The following DPP6 variants were observed in gnomAD, a reference collection of about 807,000 sequenced individuals.
DPP6 encodes the protein dipeptidyl peptidase like 6.
In DPP6, 69 loss-of-function variants were observed where a neutral mutation model predicts 122.6. The observed-to-expected ratio is 0.56, with a 90% confidence interval of 0.46 to 0.69. The LOEUF is 0.69. Ranked by LOEUF, DPP6 falls within the 30% of genes least tolerant of loss-of-function variation. The probability of loss-of-function intolerance (pLI) is 0.00; values close to 1 mark genes in which losing one functional copy is unlikely to be tolerated. For synonymous variants in DPP6, 418 were observed against 433.1 expected (o/e 0.97, Z 0.43); for missense variants, 928 against 1,116.9 (o/e 0.83, Z 2.41).
At chr7:154,720,214 G>T (rs967072573) in intron 7 of DPP6, among the ~76,000 whole-genome samples, 76 of 152,306 alleles carry the variant, frequency 5.0e-4, no homozygotes, top group African/African-American at 1.8e-3. Context: ...ACTGAGGAGG[G>T]AACACACCTG....
chr7:154,460,503 G>A (rs1363521522), intron 2 of DPP6, among the ~76,000 whole-genome samples: 1 of 151,696 alleles, frequency 6.6e-6, no homozygotes, highest in Non-Finnish European at 1.5e-5. Context: ...TTCTAAATGC[G>A]CCTCTTGACT....
intron 13 of DPP6, among the ~76,000 whole-genome samples, chr7:154,802,330 T>C (rs1473216326): frequency 6.6e-6 from 1 of 151,348 alleles, no homozygotes; most frequent in East Asian, 2.0e-4. Flanking sequence ...TAAGAGCAGC[T>C]CTGATGGAAT....
intron 13 of DPP6, among the ~76,000 whole-genome samples, chr7:154,802,673 A>G (rs958889851): frequency 3.3e-5 from 5 of 152,152 alleles, no homozygotes; most frequent in Non-Finnish European, 1.5e-5. Flanking sequence ...AGTGGCCAAC[A>G]TGGCGAAACA....
At chr7:154,286,798 TTTC>T (rs1339829850) in intron 1 of DPP6, among the ~76,000 whole-genome samples, 3 of 145,834 alleles carry the variant, frequency 2.1e-5, no homozygotes, top group Non-Finnish European at 3.1e-5. Flanking sequence ...ATGCCTATGA[TTTC>T]TTCTTTTTTT....
chr7:154,732,500 A>G (rs990754651), intron 8 of DPP6, among the ~76,000 whole-genome samples: 10 of 152,182 alleles, frequency 6.6e-5, no homozygotes, highest in Non-Finnish European at 1.3e-4. Context: ...AAGCTGGAAC[A>G]TGTTAGGGTC....
At chr7:154,368,520 G>A (rs951447800) in intron 1 of DPP6, among the ~76,000 whole-genome samples, 4 of 152,164 alleles carry the variant, frequency 2.6e-5, no homozygotes, top group African/African-American at 9.7e-5. Context: ...ATTTTGCCAC[G>A]AAACATCTCA....
At chr7:154,149,262 C>G (rs1450007609) in intron 1 of DPP6, among the ~76,000 whole-genome samples, 1 of 152,306 alleles carries the variant, frequency 6.6e-6, no homozygotes, top group African/African-American at 2.4e-5. Context: ...CAGCCCCATG[C>G]CCCAGAGGCT....
At chr7:154,019,694 T>C (rs1369824840) in intron 1 of DPP6, among the ~76,000 whole-genome samples, 2 of 152,208 alleles carry the variant, frequency 1.3e-5, no homozygotes, top group African/African-American at 2.4e-5. Flanking sequence ...AGAAACACTT[T>C]TATAATGTGG....
At chr7:154,604,115 C>T (rs1338781152) in intron 5 of DPP6, among the ~76,000 whole-genome samples, 2 of 120,966 alleles carry the variant, frequency 1.7e-5, no homozygotes, top group African/African-American at 5.3e-5. Flanking sequence ...GGTCCATAAT[C>T]TTTTCAGAAT....
At chr7:154,372,879 C>G (rs1446942470) in intron 1 of DPP6, among the ~76,000 whole-genome samples, 1 of 152,142 alleles carries the variant, frequency 6.6e-6, no homozygotes, top group Non-Finnish European at 1.5e-5. Flanking sequence ...GGTTACAGAC[C>G]AGCTTCCCCA....
intron 1 of DPP6, among the ~76,000 whole-genome samples, chr7:154,011,913 A>C (rs1798171137): frequency 6.6e-6 from 1 of 152,226 alleles, no homozygotes; most frequent in African/African-American, 2.4e-5. Flanking sequence ...ACAGACATTA[A>C]GACCTGTAAT....
At chr7:154,813,174 G>T (rs912660098) in intron 16 of DPP6, among the ~76,000 whole-genome samples, 1 of 151,522 alleles carries the variant, frequency 6.6e-6, no homozygotes, top group East Asian at 1.9e-4. Context: ...TCTGCCTCCT[G>T]GTTTCACGCC....
intron 7 of DPP6, among the ~76,000 whole-genome samples, chr7:154,693,536 T>C (rs1840047683): frequency 6.6e-6 from 1 of 152,146 alleles, no homozygotes; most frequent in African/African-American, 2.4e-5. Context: ...AACTCAGAGA[T>C]GTCCTCATTC....
At chr7:154,801,870 C>T (rs1045546481) in intron 13 of DPP6, among the ~76,000 whole-genome samples, 1 of 152,146 alleles carries the variant, frequency 6.6e-6, no homozygotes, top group Non-Finnish European at 1.5e-5. Flanking sequence ...CCATGCTGCC[C>T]TACCTCCACC....
intron 5 of DPP6, among the ~76,000 whole-genome samples, chr7:154,591,386 G>A (rs755182389): frequency 6.6e-5 from 10 of 152,202 alleles, no homozygotes; most frequent in African/African-American, 9.7e-5. Context: ...TGGTGGTCAT[G>A]AGGAGGATGA....
chr7:154,543,961 G>A (rs1385579090), intron 4 of DPP6, among the ~76,000 whole-genome samples: 5 of 128,694 alleles, frequency 3.9e-5, no homozygotes, highest in African/African-American at 1.2e-4. Flanking sequence ...TCCACTACAC[G>A]CCAGCCTGGG....
intron 1 of DPP6, among the ~76,000 whole-genome samples, chr7:153,964,605 A>G (rs1795544042): frequency 6.6e-6 from 1 of 152,192 alleles, no homozygotes; most frequent in Admixed American, 6.5e-5. Flanking sequence ...CAGAGGTCTC[A>G]GTGTCCTCAC....
In DPP6 at chr7:154,481,236, G is replaced by A. The variant is rs577734149; in HGVS notation, c.457+6199G>A. Among the ~76,000 whole-genome samples, 3 of 152,220 alleles carry A rather than the reference G, an allele frequency of 2.0e-5. No homozygotes were observed. The highest frequency in any genetic ancestry group is 7.2e-5 in the African/African-American group (3 of 41,536). On this transcript the variant is annotated intron_variant, in intron 3 of 25. Coordinates refer to ENST00000377770, the MANE Select transcript of DPP6 (RefSeq NM_130797.4). The surrounding 1 kb of genome is among the most constrained non-coding windows in gnomAD (Gnocchi z 4.2). ...CTTATCCTCACTTTGTACTCCCTGA[G>A]GGGAAATAATTCACCCCCACAATGT...
chr7:154,477,899 G>A (rs1165983026), intron 3 of DPP6, among the ~76,000 whole-genome samples: 1 of 152,092 alleles, frequency 6.6e-6, no homozygotes, highest in Non-Finnish European at 1.5e-5. Context: ...AAGAAACTTT[G>A]CTGTGAAGTA....
Sources: gnomAD v4.1 joint callset for allele counts (sites outside exome capture counted in the v4.1 genomes callset) on GRCh38, gnomAD v4.1.1 for gene constraint, Gnocchi (gnomAD v3.1) non-coding constraint, MANE v1.5 for transcripts, NCBI Gene and HGNC (gene_info 2026-07-23, HGNC 2026-07-21) for gene names.